Variants in XRN2 observed in about 807,000 individuals in gnomAD.
XRN2 encodes 5'-3' exoribonuclease 2.
Under a neutral mutation model 138.5 loss-of-function variants are expected in XRN2, and 44 were observed. The ratio of observed to expected loss-of-function variants is 0.32; its 90% CI spans 0.25 to 0.41. The LOEUF (loss-of-function observed/expected upper bound fraction) is 0.41. Ranked by LOEUF, XRN2 falls within the 10% of genes least tolerant of loss-of-function variation. The pLI is 1.00. For missense variants in XRN2, 937 were observed against 1,169.3 expected, an observed-to-expected ratio of 0.80 and a Z score of 2.90; for synonymous variants, 354 against 369.4, an observed-to-expected ratio of 0.96 and a Z score of 0.48.
rs768747339 is a variant in XRN2, at chr20:21,354,748, T to C, written c.1937-41T>C. 41 of 1,586,862 alleles carry C rather than the reference T, an allele frequency of 2.6e-5. No individual in the cohort carries two copies. In the Admixed American group the frequency reaches 6.9e-4, roughly 27 times the overall value. On this transcript the variant is annotated intron_variant, in intron 20 of 29. Transcript: ENST00000377191. ...CAATGATAAGTTGGAATTTGGGTGA[T>C]CCTGGTAGCAGGGGTGGTTCATTTG...
chr20:21,343,208 C>G (rs2038393900), intron 15 of XRN2, among the ~76,000 whole-genome samples: 1 of 152,056 alleles, frequency 6.6e-6, no homozygotes, highest in Non-Finnish European at 1.5e-5. Context: ...GGAAATGTTT[C>G]TGCCCCTTAT....
At chr20:21,339,328 T>G (rs1271878312) in intron 14 of XRN2, among the ~76,000 whole-genome samples, 1 of 152,194 alleles carries the variant, frequency 6.6e-6, no homozygotes, top group Admixed American at 6.5e-5. Flanking sequence ...AGTTAGCTAT[T>G]TGAATGGTTT....
chr20:21,330,591 A>G (rs1398425754), intron 5 of XRN2, 25 bp from the exon 6 acceptor site: 3 of 1,613,160 alleles, frequency 1.9e-6, no homozygotes, highest in African/African-American at 2.7e-5. Flanking sequence ...ATGATAGGTT[A>G]ATTTATTTCT....
intron 27 of XRN2, among the ~76,000 whole-genome samples, chr20:21,376,149 T>G (rs1009968832): frequency 6.6e-6 from 1 of 152,114 alleles, no homozygotes; most frequent in Non-Finnish European, 1.5e-5. Flanking sequence ...CCAGGTGTTA[T>G]TTTTTAAAAG....
rs528872895 is a variant in XRN2, at chr20:21,386,282, C to T, written c.2649-586C>T. 6.6e-5 allele frequency among the ~76,000 whole-genome samples: 10 copies of T among 152,292 alleles called. No individual in the cohort carries two copies. The South Asian group carries it at 2.1e-3, about 32-fold the overall frequency. On this transcript the variant is annotated intron_variant, in intron 28 of 29. Transcript: ENST00000377191. Reference sequence around the variant, plus strand: ...ATTAGTGCTCATGTTGCTAGGTCACCGTGGTCAATTGAAAGCTGCATCAAT... The same window carrying T: ...ATTAGTGCTCATGTTGCTAGGTCACTGTGGTCAATTGAAAGCTGCATCAAT...
At chr20:21,356,232 T>C in intron 22 of XRN2, 55 bp downstream of exon 22, 1 of 1,368,538 alleles carries the variant, frequency 7.3e-7, no homozygotes, top group Non-Finnish European at 1.0e-6. Context: ...TTTGGTAAAA[T>C]ATGCATAACA....
rs1438781187 is a variant in XRN2, at chr20:21,326,310, T to C, written c.107T>C (p.Val36Ala). The change falls in exon 2 of 30, where the codon GTT becomes GCT. Residue 36 changes from valine (V) to alanine (A), a missense_variant. Transcript: ENST00000377191. ...GAATGCAATGGTGTAAAGATTCCAG[T>C]TGATGCCAGTAAACCTAATCCAAAT... is the stretch of plus-strand genomic sequence containing the variant. ...PKECNGVKIP[V>A]DASKPNPNDV... is the part of the protein sequence containing the mutation. The C allele has an allele frequency of 6.2e-7, 1 of 1,613,708 alleles. No homozygotes were observed. Among genetic ancestry groups the C allele is most frequent in the Non-Finnish European group, 8.5e-7 (1 of 1,179,848 alleles).
At chr20:21,364,491 G>A (rs2038671980) in intron 24 of XRN2, among the ~76,000 whole-genome samples, 1 of 152,110 alleles carries the variant, frequency 6.6e-6, no homozygotes, top group African/African-American at 2.4e-5. Context: ...TATACTCAAA[G>A]CCTGAGTGTA....
intron 3 of XRN2, among the ~76,000 whole-genome samples, 199 bp downstream of exon 3, chr20:21,326,800 AC>A (rs1321118275): frequency 1.3e-5 from 2 of 152,170 alleles, no homozygotes; most frequent in Non-Finnish European, 2.9e-5. Flanking sequence ...ACTGTGAAAT[AC>A]TGGGGATGTT....
chr20:21,369,051 C>T (rs921010842), intron 27 of XRN2, among the ~76,000 whole-genome samples: 11 of 152,090 alleles, frequency 7.2e-5, no homozygotes, highest in African/African-American at 2.7e-4. Context: ...CCTCCCCTCC[C>T]CAACCCTTCC....
At chr20:21,385,799 G>A (rs771911469) in intron 28 of XRN2, among the ~76,000 whole-genome samples, 3 of 152,136 alleles carry the variant, frequency 2.0e-5, no homozygotes, top group Non-Finnish European at 4.4e-5. Context: ...CTAAGACCTC[G>A]GAAGTGAAAT....
chr20:21,321,165 C>T (rs936354013), intron 1 of XRN2, among the ~76,000 whole-genome samples: 1 of 151,884 alleles, frequency 6.6e-6, no homozygotes, highest in African/African-American at 2.4e-5. Context: ...TACAGGTATG[C>T]TATCACACCT....
At chr20:21,389,021 T>G (rs1000940609) in intron 29 of XRN2, among the ~76,000 whole-genome samples, 4 of 152,230 alleles carry the variant, frequency 2.6e-5, no homozygotes, top group African/African-American at 9.6e-5. Flanking sequence ...CTTTAGTTAT[T>G]TGTGTGCATT....
intron 27 of XRN2, among the ~76,000 whole-genome samples, chr20:21,381,221 C>A (rs1600720951): frequency 6.6e-6 from 1 of 152,138 alleles, no homozygotes; most frequent in Non-Finnish European, 1.5e-5. Context: ...TTACTGTCCT[C>A]ACATGGTGAA....
Position 21,303,815 on chromosome 20 carries a change from G to A in XRN2, c.75+342G>A, listed in dbSNP as rs187342338. 428 of 1,070,252 alleles carry A rather than the reference G, an allele frequency of 4.0e-4. 3 individuals are homozygous for A. In the African/African-American group the frequency reaches 6.1e-3, roughly 15 times the overall value. The allele number at this position is 1,070,252 out of a possible 1,614,324, so 66.3% of individuals were successfully genotyped here. On this transcript the variant is annotated intron_variant, in intron 1 of 29. Coordinates refer to ENST00000377191, the MANE Select transcript of XRN2 (RefSeq NM_012255.5). The stretch of plus-strand genomic sequence containing the variant: ...CCGCGCATTTTGGGTCTCGGAAGAG[G>A]TTCAGAGGCTGTTGTTGAGCAATGC...
chr20:21,389,137 TG>T, intron 29 of XRN2, 135 bp from the exon 30 acceptor site: 1 of 697,212 alleles, frequency 1.4e-6, no homozygotes. Flanking sequence ...GCACCTTTTA[TG>T]GGGCCTTTCC....
chr20:21,323,606 A>G (rs1289609263), intron 1 of XRN2, among the ~76,000 whole-genome samples: 2 of 152,200 alleles, frequency 1.3e-5, no homozygotes, highest in Admixed American at 6.5e-5. Context: ...GGACATGTCT[A>G]CAGTACTCTT....
At chr20:21,367,868 C>G (rs2038720560) in intron 26 of XRN2, among the ~76,000 whole-genome samples, 1 of 152,136 alleles carries the variant, frequency 6.6e-6, no homozygotes, top group Non-Finnish European at 1.5e-5. Flanking sequence ...ATACTCTTAA[C>G]CTTTGGTCCA....
chr20:21,346,112 A>G (rs1470325571), intron 16 of XRN2, among the ~76,000 whole-genome samples: 1 of 152,220 alleles, frequency 6.6e-6, no homozygotes, highest in Non-Finnish European at 1.5e-5. Context: ...CATATAAAGT[A>G]GTATTAAAAT....
Sources: gnomAD v4.1 joint callset for allele counts (sites outside exome capture counted in the v4.1 genomes callset) on GRCh38, gnomAD v4.1.1 for gene constraint, MANE v1.5 for transcripts, NCBI Gene and HGNC (gene_info 2026-07-23, HGNC 2026-07-21) for gene names.